KALRN: variants seen among roughly 807,000 people sequenced by gnomAD.
KALRN encodes the protein kalirin.
KALRN carries 70 observed loss-of-function variants against 353.7 expected under a neutral mutation model. The ratio of observed to expected loss-of-function variants is 0.20; its 90% CI spans 0.16 to 0.24. The LOEUF (loss-of-function observed/expected upper bound fraction) is 0.24. Among genes scored for constraint, KALRN ranks in the 10% least tolerant of loss-of-function variants. The pLI is 1.00. For missense variants in KALRN, 2,791 were observed against 3,756.7 expected, an observed-to-expected ratio of 0.74 and a Z score of 6.72; for synonymous variants, 1,391 against 1,434.8, an observed-to-expected ratio of 0.97 and a Z score of 0.69.
At chr3:124,146,259 A>G (rs2067307338) in intron 1 of KALRN, among the ~76,000 whole-genome samples, 4 of 152,236 alleles carry the variant, frequency 2.6e-5, no homozygotes. Context: ...GTTGTCAGTC[A>G]GTAATGAGGA....
chr3:124,298,683 C>A, intron 5 of KALRN, 108 bp from the exon 6 acceptor site: 1 of 1,266,726 alleles, frequency 7.9e-7, no homozygotes, highest in Non-Finnish European at 1.1e-6. Flanking sequence ...AACTGGTTCT[C>A]ACTGAGCACC....
chr3:124,440,527 C>T lies in KALRN; in HGVS notation c.3199-1418C>T, dbSNP rs976799937. Among the ~76,000 whole-genome samples the T allele has an allele frequency of 1.3e-5, 2 of 151,792 alleles. 1 individual carries two copies. The highest frequency in any genetic ancestry group is 4.8e-5 in the African/African-American group (2 of 41,354). On this transcript the variant is annotated intron_variant, in intron 18 of 59. Coordinates refer to ENST00000682506, the MANE Select transcript of KALRN (RefSeq NM_001388419.1). Reference sequence around the variant, plus strand: ...CTGTGTTCATGGACACACCAGCAGGCGTTTGTGTACCAGATATTCCAGATG... The same window carrying T: ...CTGTGTTCATGGACACACCAGCAGGTGTTTGTGTACCAGATATTCCAGATG...
chr3:124,551,357 G>C (rs1190054885), intron 33 of KALRN, among the ~76,000 whole-genome samples: 1 of 152,222 alleles, frequency 6.6e-6, no homozygotes, highest in Non-Finnish European at 1.5e-5. Context: ...GTAATTTGCT[G>C]AGGGCAAAAA....
chr3:124,236,859 C>T (rs970792059), intron 3 of KALRN, among the ~76,000 whole-genome samples: 28 of 152,332 alleles, frequency 1.8e-4, no homozygotes, highest in African/African-American at 6.5e-4. Context: ...GGGGTGGTCA[C>T]ATCAGTGCAA....
At chr3:124,552,190 T>C (rs2070624944) in intron 33 of KALRN, among the ~76,000 whole-genome samples, 1 of 152,202 alleles carries the variant, frequency 6.6e-6, no homozygotes, top group Non-Finnish European at 1.5e-5. Flanking sequence ...ACCAGGAGTA[T>C]TTGCTTTCTG....
chr3:124,563,934 G>T (rs985229004), intron 34 of KALRN, among the ~76,000 whole-genome samples: 15 of 150,784 alleles, frequency 9.9e-5, no homozygotes, highest in African/African-American at 3.7e-4. Context: ...GGCTGAGGTT[G>T]CCATGAGGCT....
intron 1 of KALRN, among the ~76,000 whole-genome samples, chr3:124,190,237 A>G (rs1446000502): frequency 6.6e-6 from 1 of 152,152 alleles, no homozygotes; most frequent in African/African-American, 2.4e-5. Context: ...AGAAGCTGAA[A>G]CAAGCAGGGA....
chr3:124,411,514 G>A (rs1010753687), intron 13 of KALRN, among the ~76,000 whole-genome samples: 1 of 124,186 alleles, frequency 8.1e-6, no homozygotes, highest in African/African-American at 3.0e-5. Flanking sequence ...TAATAATAGT[G>A]CACTACAACC....
At chr3:124,214,513 C>G (rs987630903) in intron 1 of KALRN, among the ~76,000 whole-genome samples, 2 of 152,184 alleles carry the variant, frequency 1.3e-5, no homozygotes, top group Non-Finnish European at 2.9e-5. Flanking sequence ...CTAGTCATGG[C>G]AAGGACTCCT....
At chr3:124,385,486 G>T (rs771612579) in intron 11 of KALRN, among the ~76,000 whole-genome samples, 39 of 152,138 alleles carry the variant, frequency 2.6e-4, no homozygotes, top group Non-Finnish European at 4.9e-4. Flanking sequence ...TTACAGATGT[G>T]TTTTTTCTGT....
chr3:124,044,291 G>A (rs1252992649), intron 1 of KALRN, among the ~76,000 whole-genome samples: 3 of 152,250 alleles, frequency 2.0e-5, no homozygotes, highest in Admixed American at 6.5e-5. Flanking sequence ...ACCAAAGGGT[G>A]GATTGTGGGG....
chr3:124,393,355 C>G (rs548400063), intron 11 of KALRN, among the ~76,000 whole-genome samples: 1 of 152,274 alleles, frequency 6.6e-6, no homozygotes, highest in East Asian at 1.9e-4. Flanking sequence ...AATGTGTTTT[C>G]TCTCTAGAAA....
intron 9 of KALRN, among the ~76,000 whole-genome samples, chr3:124,335,135 T>C (rs1049745593): frequency 6.6e-6 from 1 of 152,088 alleles, no homozygotes; most frequent in African/African-American, 2.4e-5. Context: ...CAGGCAATGA[T>C]TGCTAGACAG....
chr3:124,187,345 G>A (rs940275028), intron 1 of KALRN, among the ~76,000 whole-genome samples: 2 of 152,182 alleles, frequency 1.3e-5, no homozygotes, highest in Non-Finnish European at 2.9e-5. Flanking sequence ...GCCTCCCAAA[G>A]TGCTGGGATT....
At chr3:124,479,575 A>C (rs1433402498) in intron 27 of KALRN, among the ~76,000 whole-genome samples, 1 of 152,178 alleles carries the variant, frequency 6.6e-6, no homozygotes, top group Non-Finnish European at 1.5e-5. Flanking sequence ...TAAGTTCTAC[A>C]CTTAGGAACC....
chr3:124,172,951 A>C (rs1685180555), intron 1 of KALRN, among the ~76,000 whole-genome samples: 1 of 152,172 alleles, frequency 6.6e-6, no homozygotes, highest in Non-Finnish European at 1.5e-5. Flanking sequence ...CAGATATAAT[A>C]GGAATGAACA....
At chr3:124,712,024 T>G (rs2062913598) in intron 57 of KALRN, among the ~76,000 whole-genome samples, 1 of 152,160 alleles carries the variant, frequency 6.6e-6, no homozygotes, top group Non-Finnish European at 1.5e-5. Flanking sequence ...ATAAGAATGA[T>G]ATGATGGACT....
At chr3:124,319,899 C>T (rs1336648735) in intron 6 of KALRN, among the ~76,000 whole-genome samples, 4 of 151,960 alleles carry the variant, frequency 2.6e-5, no homozygotes, top group African/African-American at 9.7e-5. Context: ...GAGGCTGAGG[C>T]AGGAGAATTG....
chr3:124,086,918 C>T (rs1190511949), intron 1 of KALRN, among the ~76,000 whole-genome samples: 1 of 152,188 alleles, frequency 6.6e-6, no homozygotes, highest in Non-Finnish European at 1.5e-5. Context: ...CTATCCTGCT[C>T]TATGCCTTGC....
Sources: gnomAD v4.1 joint callset for allele counts (sites outside exome capture counted in the v4.1 genomes callset) on GRCh38, gnomAD v4.1.1 for gene constraint, MANE v1.5 for transcripts, NCBI Gene and HGNC (gene_info 2026-07-23, HGNC 2026-07-21) for gene names.